Variants in MAF observed in about 807,000 individuals in gnomAD.
MAF encodes MAF bZIP transcription factor.
MAF carries 10 observed loss-of-function variants against 22.0 expected under a neutral mutation model. The observed-to-expected ratio is 0.45, with a 90% CI of 0.28 to 0.77. The LOEUF is 0.77. Among genes scored for constraint, MAF ranks in the 30% least tolerant of loss-of-function variants. The pLI is 0.12. For synonymous variants in MAF, 337 were observed against 255.8 expected (o/e 1.32, Z -3.03); for missense variants, 544 against 548.4 (o/e 0.99, Z 0.08).
the MAF span, among the ~76,000 whole-genome samples, chr16:79,261,315 A>G: frequency 6.6e-6 from 1 of 150,752 alleles, no homozygotes; most frequent in Non-Finnish European, 1.5e-5. Flanking sequence ...ACCACGCCCA[A>G]CTAATTTTTG....
the MAF span, among the ~76,000 whole-genome samples, chr16:79,505,943 G>A: frequency 1.3e-5 from 2 of 150,358 alleles, no homozygotes; most frequent in African/African-American, 2.5e-5. Flanking sequence ...GGAAGAGGAA[G>A]GAAAAGAGAA....
the MAF span, among the ~76,000 whole-genome samples, chr16:79,492,785 T>G: frequency 6.6e-6 from 1 of 152,220 alleles, no homozygotes; most frequent in South Asian, 2.1e-4. Context: ...GGAACATTCT[T>G]TAAGTCCATT....
the MAF span, among the ~76,000 whole-genome samples, chr16:79,224,166 T>A: frequency 6.6e-6 from 1 of 152,146 alleles, no homozygotes; most frequent in South Asian, 2.1e-4. Context: ...TGCACCACGA[T>A]CGAGTCAGTT....
chr16:79,554,826 T>C, the MAF span, among the ~76,000 whole-genome samples: 6 of 152,192 alleles, frequency 3.9e-5, no homozygotes, highest in Admixed American at 2.0e-4. Context: ...CCTCTCTGTC[T>C]ACCTCTCTCT....
the MAF span, among the ~76,000 whole-genome samples, chr16:79,341,446 C>T: frequency 8.5e-5 from 13 of 152,158 alleles, no homozygotes; most frequent in Admixed American, 6.5e-5. Context: ...CTTCTCAACT[C>T]ACACCTCTTT....
At chr16:79,488,862 A>G in the MAF span, among the ~76,000 whole-genome samples, 1 of 152,146 alleles carries the variant, frequency 6.6e-6, no homozygotes, top group African/African-American at 2.4e-5. Flanking sequence ...GTTAATTAAG[A>G]AGAACTGAAA....
the MAF span, among the ~76,000 whole-genome samples, chr16:79,525,483 G>A: frequency 6.6e-6 from 1 of 152,146 alleles, no homozygotes; most frequent in South Asian, 2.1e-4. Context: ...ACAGCAATTT[G>A]ATCAATTTAG....
At chr16:79,282,401 A>G in the MAF span, among the ~76,000 whole-genome samples, 138,849 of 152,036 alleles carry the variant, frequency 0.91, 63,483 homozygotes, top group East Asian at 1. Flanking sequence ...AATAACCACT[A>G]ATGTAGCATC....
the MAF span, among the ~76,000 whole-genome samples, chr16:79,318,222 G>A: frequency 3.3e-5 from 5 of 152,194 alleles, no homozygotes; most frequent in Admixed American, 2.6e-4. Context: ...AATTCAAGAT[G>A]ATCCACCTGT....
chr16:79,397,897 T>C, the MAF span, among the ~76,000 whole-genome samples: 1 of 152,214 alleles, frequency 6.6e-6, no homozygotes, highest in Admixed American at 6.5e-5. Flanking sequence ...CCAATAGGCC[T>C]GATTCTGGAG....
the MAF span, among the ~76,000 whole-genome samples, chr16:79,269,942 G>C: frequency 1.3e-5 from 2 of 152,184 alleles, no homozygotes; most frequent in African/African-American, 4.8e-5. Context: ...AAGCTATGGA[G>C]ACGAACCTGG....
chr16:79,412,708 G>C, the MAF span, among the ~76,000 whole-genome samples: 1 of 152,310 alleles, frequency 6.6e-6, no homozygotes, highest in Non-Finnish European at 1.5e-5. Context: ...GGCTCCAGCA[G>C]TTGTTGTTAA....
At chr16:79,255,948 ATCTTTTCTTT>A in the MAF span, among the ~76,000 whole-genome samples, 6,697 of 101,750 alleles carry the variant, frequency 0.066, 211 homozygotes, top group Non-Finnish European at 0.081. Context: ...AGATGTCTTT[ATCTTTTCTTT>A]TCTTTTCTTT....
chr16:79,387,537 T>C, the MAF span, among the ~76,000 whole-genome samples: 1 of 152,118 alleles, frequency 6.6e-6, no homozygotes, highest in Non-Finnish European at 1.5e-5. Flanking sequence ...TCAATGCTTG[T>C]TGGGTAAGGC....
the MAF span, among the ~76,000 whole-genome samples, chr16:79,482,406 G>C: frequency 6.6e-6 from 1 of 152,198 alleles, no homozygotes; most frequent in Non-Finnish European, 1.5e-5. Context: ...CAAGGGTGGA[G>C]AGATTGTCAA....
the MAF span, chr16:79,211,721 C>T: frequency 5.8e-5 from 94 of 1,614,068 alleles, no homozygotes; most frequent in African/African-American, 3.5e-4. Flanking sequence ...AAGCTCAGAG[C>T]GAAGAGACGG....
the MAF span, among the ~76,000 whole-genome samples, chr16:79,446,702 A>G: frequency 6.6e-6 from 1 of 152,138 alleles, no homozygotes; most frequent in East Asian, 1.9e-4. Context: ...ACTTGAACCC[A>G]GAAGTTCAAG....
chr16:79,242,211 G>A, the MAF span, among the ~76,000 whole-genome samples: 1 of 151,792 alleles, frequency 6.6e-6, no homozygotes, highest in Non-Finnish European at 1.5e-5. Context: ...AATGTAAACA[G>A]GCTAAATGCC....
the MAF span, among the ~76,000 whole-genome samples, chr16:79,420,758 G>T: frequency 6.6e-6 from 1 of 152,224 alleles, no homozygotes; most frequent in Non-Finnish European, 1.5e-5. Context: ...GGCTTGACGC[G>T]GTGGCTCATG....
Sources: gnomAD v4.1 joint callset for allele counts (sites outside exome capture counted in the v4.1 genomes callset) on GRCh38, gnomAD v4.1.1 for gene constraint, MANE v1.5 for transcripts, NCBI Gene and HGNC (gene_info 2026-07-23, HGNC 2026-07-21) for gene names.